PDLIM5: variants seen among roughly 807,000 people sequenced by gnomAD.
The protein encoded by PDLIM5 is PDZ and LIM domain protein 5.
In PDLIM5, 34 loss-of-function variants were observed where a neutral mutation model predicts 64.2. The observed-to-expected ratio is 0.53, with a 90% CI of 0.40 to 0.71. The LOEUF (loss-of-function observed/expected upper bound fraction) is 0.71, where lower values mean the gene tolerates loss of function less well. PDLIM5 is among the 30% of genes least tolerant of loss of function. The pLI, the probability that PDLIM5 is intolerant of heterozygous loss-of-function variation, is 0.00. For synonymous variants in PDLIM5, 253 were observed against 269.1 expected (o/e 0.94, Z 0.59); for missense variants, 683 against 733.6 (o/e 0.93, Z 0.80).
At chr4:94,456,620 T>G in intron 2 of PDLIM5, 10 of 758,000 alleles carry the variant, frequency 1.3e-5, no homozygotes, top group Non-Finnish European at 2.2e-5. Context: ...ATAAGGAAAG[T>G]GACATTTAAC....
intron 3 of PDLIM5, among the ~76,000 whole-genome samples, chr4:94,558,125 G>T (rs1007038350): frequency 6.6e-6 from 1 of 152,162 alleles, no homozygotes; most frequent in Admixed American, 6.5e-5. Flanking sequence ...AAGGGCTGTT[G>T]AATTTTGTCA....
chr4:94,528,820 G>A (rs908657944), intron 3 of PDLIM5, among the ~76,000 whole-genome samples: 20 of 152,258 alleles, frequency 1.3e-4, no homozygotes, highest in African/African-American at 3.6e-4. Context: ...ATGTGAGGGA[G>A]CACCTTCTCA....
chr4:94,613,026 A>C (rs1578471384), intron 7 of PDLIM5, among the ~76,000 whole-genome samples: 1 of 151,830 alleles, frequency 6.6e-6, no homozygotes, highest in African/African-American at 2.4e-5. Context: ...AATATTAAAA[A>C]TTTTCTTCTA....
chr4:94,476,292 C>T (rs945080601), intron 2 of PDLIM5, among the ~76,000 whole-genome samples: 1 of 152,050 alleles, frequency 6.6e-6, no homozygotes, highest in Non-Finnish European at 1.5e-5. Context: ...CCTTTCTGGA[C>T]ACGTAAAAGT....
chr4:94,649,020 C>T (rs563750883), intron 9 of PDLIM5, among the ~76,000 whole-genome samples: 4 of 151,620 alleles, frequency 2.6e-5, no homozygotes, highest in South Asian at 2.1e-4. Context: ...CTGTTGCTGA[C>T]GCTGGAGTGC....
chr4:94,560,997 G>A (rs182553164), intron 3 of PDLIM5, among the ~76,000 whole-genome samples: 136 of 152,232 alleles, frequency 8.9e-4, no homozygotes, highest in African/African-American at 3.2e-3. Context: ...AAAGTGCTGG[G>A]ATTACAGGCT....
chr4:94,631,835 T>C (rs1740173254), intron 8 of PDLIM5, among the ~76,000 whole-genome samples: 1 of 152,214 alleles, frequency 6.6e-6, no homozygotes, highest in Non-Finnish European at 1.5e-5. Flanking sequence ...GTTATTTGCT[T>C]TCCGCCTAAG....
At chr4:94,489,834 C>A (rs1726699833) in intron 2 of PDLIM5, among the ~76,000 whole-genome samples, 1 of 152,076 alleles carries the variant, frequency 6.6e-6, no homozygotes, top group African/African-American at 2.4e-5. Context: ...CATATGTAAT[C>A]TTTCCAGCAC....
intron 5 of PDLIM5, among the ~76,000 whole-genome samples, chr4:94,580,492 A>T (rs1735640810): frequency 6.6e-6 from 1 of 152,124 alleles, no homozygotes; most frequent in African/African-American, 2.4e-5. Flanking sequence ...ATTTAAAGTT[A>T]AATTTTTCTG....
chr4:94,645,316 G>A (rs752188247), intron 9 of PDLIM5, among the ~76,000 whole-genome samples: 1 of 152,170 alleles, frequency 6.6e-6, no homozygotes, highest in Non-Finnish European at 1.5e-5. Flanking sequence ...TCCATTGATT[G>A]ATGGGCATTT....
chr4:94,524,087 A>T (rs1035417226), intron 3 of PDLIM5, among the ~76,000 whole-genome samples: 6 of 152,160 alleles, frequency 3.9e-5, no homozygotes, highest in African/African-American at 1.4e-4. Context: ...ATGTATTCCC[A>T]TACTAATAAA....
Position 94,455,320 on chromosome 4 carries a change from C to T in PDLIM5, c.32C>T (p.Pro11Leu). Residue 11 changes from proline (P) to leucine (L), a missense_variant, in exon 2 of 13, where the codon CCA becomes CTA. Pro to Leu is a moderately conservative substitution (Grantham distance 98). Transcript: ENST00000317968. ...AACTACAGTGTGTCACTGGTTGGCC[C>T]AGCTCCTTGGGGTTTCCGGCTGCAG... Reference protein sequence around the residue: MSNYSVSLVGPAPWGFRLQGG... With the variant: MSNYSVSLVGLAPWGFRLQGG... The T allele has an allele frequency of 6.2e-7, 1 of 1,613,502 alleles. No individual in the cohort carries two copies. Among genetic ancestry groups the T allele is most frequent in the African/African-American group, 1.3e-5 (1 of 75,030 alleles).
chr4:94,580,934 T>C (rs1027644799), intron 5 of PDLIM5, among the ~76,000 whole-genome samples: 1 of 152,162 alleles, frequency 6.6e-6, no homozygotes, highest in East Asian at 1.9e-4. Flanking sequence ...ACAATTAGGT[T>C]AGATATTCCC....
intron 4 of PDLIM5, 52 bp downstream of exon 4, chr4:94,573,445 T>C (rs769355062): frequency 9.8e-6 from 13 of 1,324,134 alleles, no homozygotes; most frequent in Non-Finnish European, 1.4e-5. Flanking sequence ...CTTGCTGAGC[T>C]ACTGTAATTC....
intron 2 of PDLIM5, among the ~76,000 whole-genome samples, chr4:94,462,097 C>G (rs565385480): frequency 1.3e-5 from 2 of 152,276 alleles, no homozygotes; most frequent in Admixed American, 6.5e-5. Flanking sequence ...AACTCCTGAC[C>G]TTTGATCCAG....
intron 3 of PDLIM5, among the ~76,000 whole-genome samples, chr4:94,556,863 C>A (rs1344780148): frequency 6.6e-6 from 1 of 152,132 alleles, no homozygotes; most frequent in African/African-American, 2.4e-5. Context: ...GTTGCCTGTT[C>A]ACTCTGATGG....
intron 3 of PDLIM5, among the ~76,000 whole-genome samples, chr4:94,530,513 ATATATATATATAT>A (rs1240325425): frequency 4.0e-3 from 8 of 1,984 alleles, no homozygotes; most frequent in Non-Finnish European, 0.01. Context: ...ATCACAGAAT[ATATATATATATAT>A]ATATATATAT....
At chr4:94,457,177 A>G (rs1723452291) in intron 2 of PDLIM5, 2 of 974,954 alleles carry the variant, frequency 2.1e-6, no homozygotes, top group Non-Finnish European at 2.4e-6. Flanking sequence ...AAAATACTGC[A>G]AATCCCATTT....
At chr4:94,499,326 G>A (rs3912916) in intron 2 of PDLIM5, among the ~76,000 whole-genome samples, 52,820 of 151,872 alleles carry the variant, frequency 0.35, 12,167 homozygotes, top group African/African-American at 0.67. Flanking sequence ...GAAATAAATG[G>A]AAACTTTCAT....
Sources: gnomAD v4.1 joint callset for allele counts (sites outside exome capture counted in the v4.1 genomes callset) on GRCh38, gnomAD v4.1.1 for gene constraint, MANE v1.5 for transcripts, NCBI Gene and HGNC (gene_info 2026-07-23, HGNC 2026-07-21) for gene names.